Variants in KIF26B observed in about 807,000 individuals in gnomAD.
KIF26B encodes kinesin family member 26B.
KIF26B carries 63 observed loss-of-function variants against 151.2 expected under a neutral mutation model. The ratio of observed to expected loss-of-function variants is 0.42; its 90% CI spans 0.34 to 0.51. The LOEUF (loss-of-function observed/expected upper bound fraction) is 0.51, where lower values mean the gene tolerates loss of function less well. Among genes scored for constraint, KIF26B ranks in the 20% least tolerant of loss-of-function variants. The pLI, the probability that KIF26B is intolerant of heterozygous loss-of-function variation, is 0.07. For synonymous variants in KIF26B, 1,357 were observed against 1,262.1 expected (o/e 1.08, Z -1.59); for missense variants, 2,813 against 2,913.6 (o/e 0.97, Z 0.79).
chr1:245,625,574 CAG>C (rs1192198948), intron 9 of KIF26B, among the ~76,000 whole-genome samples: 3 of 152,086 alleles, frequency 2.0e-5, no homozygotes, highest in Non-Finnish European at 2.9e-5. Flanking sequence ...GATGATCAAT[CAG>C]GGAATTTAGG....
chr1:245,466,892 C>T (rs1011468629), intron 4 of KIF26B, among the ~76,000 whole-genome samples: 11 of 152,222 alleles, frequency 7.2e-5, no homozygotes, highest in South Asian at 2.1e-4. Flanking sequence ...CGCCACCGCA[C>T]TCCAGCCTGG....
At chr1:245,361,296 A>G (rs890947325) in intron 2 of KIF26B, among the ~76,000 whole-genome samples, 1 of 152,208 alleles carries the variant, frequency 6.6e-6, no homozygotes, top group African/African-American at 2.4e-5. Context: ...CCAGAGCAGA[A>G]TCACTTAGGC....
In KIF26B at chr1:245,688,260, C is replaced by T; in HGVS notation, c.5277C>T (p.Ser1759=). 1 of 1,595,118 alleles carries T rather than the reference C, an allele frequency of 6.3e-7. No homozygotes were observed. The highest frequency in any genetic ancestry group is 8.5e-7 in the Non-Finnish European group (1 of 1,177,140). ...CCACCACCAAAACCCTCAGCTTCTCCACCAAGTCCCTGCCGCAGGCGGTGG... is the reference window on the plus strand; with the variant it reads ...CCACCACCAAAACCCTCAGCTTCTCTACCAAGTCCCTGCCGCAGGCGGTGG... ...SASTTKTLSF[S]TKSLPQAVGQ... Residue 1759 remains serine (S), a synonymous_variant, in exon 12 of 15, where the codon TCC becomes TCT. Transcript: ENST00000407071.
At chr1:245,327,121 T>C (rs1672006648) in intron 2 of KIF26B, among the ~76,000 whole-genome samples, 1 of 152,232 alleles carries the variant, frequency 6.6e-6, no homozygotes, top group Admixed American at 6.5e-5. Context: ...GGAACACAGA[T>C]GACCATGTAT....
Position 245,602,850 on chromosome 1 carries a change from G to A in KIF26B, c.1557+67G>A. Reference sequence around the variant, plus strand: ...AAGGGCAACGTTTACTCATTCACAAGGGCCCTTGAGCTGGGAGGGTGTCTT... The same window carrying A: ...AAGGGCAACGTTTACTCATTCACAAAGGCCCTTGAGCTGGGAGGGTGTCTT... On this transcript the variant is annotated intron_variant, in intron 6 of 14. Transcript: ENST00000407071. The surrounding 1 kb of genome is among the most constrained non-coding windows in gnomAD (Gnocchi z 4.5). 6.9e-7 allele frequency: 1 copy of A among 1,457,568 alleles called. No individual in the cohort carries two copies. The allele number at this position is 1,457,568 out of a possible 1,614,324, so 90.3% of individuals were successfully genotyped here.
At chr1:245,631,418 G>A (rs751620902) in intron 9 of KIF26B, among the ~76,000 whole-genome samples, 1 of 152,150 alleles carries the variant, frequency 6.6e-6, no homozygotes, top group Non-Finnish European at 1.5e-5. Flanking sequence ...TTGATGTGAT[G>A]TGCACGTTTA....
rs1314836246 is a variant in KIF26B, at chr1:245,318,846, T to C, written c.466-47988T>C. 6.6e-6 allele frequency among the ~76,000 whole-genome samples: 1 copy of C among 151,626 alleles called. No individual in the cohort carries two copies. Among genetic ancestry groups the C allele is most frequent in the African/African-American group, 2.4e-5 (1 of 41,174 alleles). On this transcript the variant is annotated intron_variant, in intron 2 of 14. Coordinates refer to ENST00000407071, the MANE Select transcript of KIF26B (RefSeq NM_018012.4). The surrounding 1 kb of genome is among the most constrained non-coding windows in gnomAD (Gnocchi z 4.0). ...AGAGTTTCTCGGTCACAAGGGAAAC[T>C]TTTACTATTTGAAATCAGCCTGAGC...
intron 5 of KIF26B, among the ~76,000 whole-genome samples, chr1:245,554,858 G>A (rs538753677): frequency 1.3e-5 from 2 of 152,156 alleles, no homozygotes; most frequent in South Asian, 2.1e-4. Flanking sequence ...TATGTAAAAC[G>A]TGTGCTCATA....
intron 9 of KIF26B, among the ~76,000 whole-genome samples, chr1:245,612,238 T>C (rs1572157827): frequency 6.6e-6 from 1 of 152,088 alleles, no homozygotes; most frequent in Non-Finnish European, 1.5e-5. Context: ...GTCTCCCAAG[T>C]AGCTTGGGAC....
Position 245,702,354 on chromosome 1 carries a change from G to C in KIF26B, c.6179-104G>C. The C allele has an allele frequency of 7.6e-7, 1 of 1,311,444 alleles. No homozygotes were observed. Among genetic ancestry groups the C allele is most frequent in the Non-Finnish European group, 1.1e-6 (1 of 928,616 alleles). The allele number at this position is 1,311,444 out of a possible 1,614,324, so 81.2% of individuals were successfully genotyped here. ...CTAAGGCAAGCGAACTAGACCTTTAGACCAAGGGGTAGATGTGGGGGTGGC... is the reference window on the plus strand; with the variant it reads ...CTAAGGCAAGCGAACTAGACCTTTACACCAAGGGGTAGATGTGGGGGTGGC... On this transcript the variant is annotated intron_variant, in intron 14 of 14. Transcript: ENST00000407071. This position sits in a 1 kb window ranked among gnomAD's most constrained non-coding sequence, Gnocchi z 4.1.
Position 245,244,756 on chromosome 1 carries a change from T to TCACACACACACACACACA in KIF26B, c.465+88092_465+88109dup, listed in dbSNP as rs55638619. Among the ~76,000 whole-genome samples the TCACACACACACACACACA allele has an allele frequency of 2.0e-4, 29 of 144,462 alleles. No individual in the cohort carries two copies. Among genetic ancestry groups the TCACACACACACACACACA allele is most frequent in the Non-Finnish European group, 3.6e-4 (24 of 66,328 alleles). The allele number at this position is 144,462 out of a possible 152,430, so 94.8% of individuals were successfully genotyped here. A position where few individuals can be genotyped will look rare whatever the true frequency, so the allele number is the denominator to read the frequency against. On this transcript the variant is annotated intron_variant, in intron 2 of 14. Transcript: ENST00000407071. This position sits in a 1 kb window ranked among gnomAD's most constrained non-coding sequence, Gnocchi z 4.2. The stretch of plus-strand genomic sequence containing the variant: ...AGAAGGAACACACAGACACGCACAC[T>TCACACACACACACACACA]CACACACACACACACACACACACAC...
intron 2 of KIF26B, among the ~76,000 whole-genome samples, chr1:245,282,659 A>G (rs1184649623): frequency 2.0e-5 from 3 of 152,184 alleles, no homozygotes; most frequent in African/African-American, 7.2e-5. Context: ...CAAATCAGAC[A>G]TCGCCTCCTC....
intron 4 of KIF26B, among the ~76,000 whole-genome samples, chr1:245,490,185 T>G (rs1447949356): frequency 1.3e-5 from 2 of 152,100 alleles, no homozygotes; most frequent in African/African-American, 4.8e-5. Context: ...ATGTCTGAGA[T>G]AGGTAGATCC....
At chr1:245,309,208 C>CG (rs1360023619) in intron 2 of KIF26B, among the ~76,000 whole-genome samples, 5 of 152,174 alleles carry the variant, frequency 3.3e-5, no homozygotes, top group African/African-American at 1.2e-4. Context: ...ATAATGCTGT[C>CG]AATGACGTTG....
intron 9 of KIF26B, among the ~76,000 whole-genome samples, chr1:245,630,456 G>A (rs112903510): frequency 5.3e-5 from 8 of 152,076 alleles, no homozygotes; most frequent in African/African-American, 1.4e-4. Flanking sequence ...GCTGGAAGCC[G>A]TCATCCTCAG....
intron 2 of KIF26B, among the ~76,000 whole-genome samples, chr1:245,327,504 A>T (rs1267008903): frequency 6.6e-6 from 1 of 152,164 alleles, no homozygotes; most frequent in African/African-American, 2.4e-5. Flanking sequence ...ACATCTCTAG[A>T]ATTCGACATC....
At chr1:245,652,416 T>C (rs1322374037) in intron 10 of KIF26B, among the ~76,000 whole-genome samples, 1 of 152,214 alleles carries the variant, frequency 6.6e-6, no homozygotes, top group Non-Finnish European at 1.5e-5. Flanking sequence ...GTTCAGAATG[T>C]CGCTGGGACA....
At chr1:245,660,427 C>T (rs2044123289) in intron 10 of KIF26B, among the ~76,000 whole-genome samples, 1 of 151,090 alleles carries the variant, frequency 6.6e-6, no homozygotes, top group African/African-American at 2.4e-5. Context: ...CCTTGATCTC[C>T]CGGGCTCAAC....
At chr1:245,537,357 G>T (rs1317800599) in intron 4 of KIF26B, among the ~76,000 whole-genome samples, 1 of 152,188 alleles carries the variant, frequency 6.6e-6, no homozygotes, top group Non-Finnish European at 1.5e-5. Context: ...GGAAGGGACA[G>T]ACCACGTAGG....
Sources: allele counts gnomAD v4.1 joint callset (sites outside exome capture counted in the v4.1 genomes callset), GRCh38; gene constraint gnomAD v4.1.1; non-coding constraint Gnocchi (gnomAD v3.1); transcripts MANE v1.5; gene names NCBI Gene and HGNC (gene_info 2026-07-23, HGNC 2026-07-21).